Variants in ANXA8 observed in about 807,000 individuals in gnomAD.
The protein encoded by ANXA8 is VAC-beta.
A neutral mutation model predicts 26.8 loss-of-function variants in ANXA8; 9 were observed. The ratio of observed to expected loss-of-function variants is 0.34; its 90% CI spans 0.20 to 0.59. The LOEUF is 0.59. Ranked by LOEUF, ANXA8 falls within the 20% of genes least tolerant of loss-of-function variation. The pLI, the probability that ANXA8 is intolerant of heterozygous loss-of-function variation, is 0.84. For synonymous variants in ANXA8, 39 were observed against 94.8 expected (o/e 0.41, Z 3.42); for missense variants, 83 against 238.5 (o/e 0.35, Z 4.29).
Position 47,484,039 on chromosome 10 carries a change from G to T in ANXA8, c.-106C>A. 1 of 1,610,904 alleles carries T rather than the reference G, an allele frequency of 6.2e-7. No homozygotes were observed. Among genetic ancestry groups the T allele is most frequent in the South Asian group, 1.1e-5 (1 of 90,950 alleles). Reference sequence around the variant, plus strand: ...CCTGCAGCTGAGGAGTGAGCAGGCCGCTCACTTGGGTGTGGGGGTGCAAGC... The same window carrying T: ...CCTGCAGCTGAGGAGTGAGCAGGCCTCTCACTTGGGTGTGGGGGTGCAAGC... On this transcript the variant is annotated 5_prime_UTR_variant, in exon 1 of 12. Coordinates refer to ENST00000585281, the MANE Select transcript of ANXA8 (RefSeq NM_001040084.3).
chr10:47,556,255 C>T, the ANXA8 span, among the ~76,000 whole-genome samples: 1 of 151,862 alleles, frequency 6.6e-6, no homozygotes, highest in Non-Finnish European at 1.5e-5. Context: ...CTCGCCTCCC[C>T]CTCCCTAGGA....
chr10:47,735,410 T>A, the ANXA8 span, among the ~76,000 whole-genome samples: 45,215 of 133,344 alleles, frequency 0.34, 6,608 homozygotes, highest in East Asian at 0.51. Flanking sequence ...TTTTTTTTTT[T>A]AACTTTGGAA....
At chr10:47,706,714 A>T in the ANXA8 span, 1 of 1,483,556 alleles carries the variant, frequency 6.7e-7, no homozygotes, top group Non-Finnish European at 9.2e-7. Context: ...GAAAAAATGG[A>T]CGGGGGCAGC....
the ANXA8 span, among the ~76,000 whole-genome samples, chr10:47,647,299 G>A: frequency 1.2e-4 from 18 of 149,414 alleles, no homozygotes; most frequent in Non-Finnish European, 1.5e-4. Context: ...ACTTTTTTTT[G>A]TTTATTTATA....
At chr10:47,664,953 C>T in the ANXA8 span, among the ~76,000 whole-genome samples, 2 of 141,572 alleles carry the variant, frequency 1.4e-5, no homozygotes, top group East Asian at 2.0e-4. Context: ...TTTCAAACTC[C>T]TAGGCTCAAG....
chr10:47,905,728 A>AGAACCCAGGCTG, the ANXA8 span, among the ~76,000 whole-genome samples: 1 of 145,022 alleles, frequency 6.9e-6, no homozygotes, highest in Non-Finnish European at 1.5e-5. Context: ...AAGCTAGGAT[A>AGAACCCAGGCTG]GAACCCAGGC....
chr10:47,630,321 G>A, the ANXA8 span, among the ~76,000 whole-genome samples: 5 of 149,488 alleles, frequency 3.3e-5, no homozygotes. Flanking sequence ...TCATTCACAG[G>A]TTTGTTAAAG....
the ANXA8 span, among the ~76,000 whole-genome samples, chr10:47,661,186 G>A: frequency 8.5e-6 from 1 of 118,154 alleles, no homozygotes; most frequent in East Asian, 2.1e-4. Flanking sequence ...ACCAGAAATA[G>A]AAACTAAGAA....
At chr10:47,747,170 T>C in the ANXA8 span, among the ~76,000 whole-genome samples, 1 of 151,312 alleles carries the variant, frequency 6.6e-6, no homozygotes, top group Non-Finnish European at 1.5e-5. Context: ...GGCCGAGCAT[T>C]TGGGCAGACG....
At chr10:47,666,755 T>A in the ANXA8 span, among the ~76,000 whole-genome samples, 3 of 151,966 alleles carry the variant, frequency 2.0e-5, no homozygotes, top group Non-Finnish European at 4.4e-5. Context: ...ATGAGTCAAG[T>A]GGTCTTTCAG....
chr10:47,952,529 C>A, the ANXA8 span, among the ~76,000 whole-genome samples: 1 of 148,218 alleles, frequency 6.7e-6, no homozygotes, highest in African/African-American at 2.6e-5. Flanking sequence ...AAAATACTTA[C>A]AAGATGAGCA....
the ANXA8 span, among the ~76,000 whole-genome samples, chr10:47,700,383 G>T: frequency 1.8e-4 from 28 of 151,940 alleles, no homozygotes; most frequent in Non-Finnish European, 2.2e-4. Context: ...GACAAAGATA[G>T]TATCTGGAAT....
chr10:47,746,784 A>G, the ANXA8 span, among the ~76,000 whole-genome samples: 2 of 109,194 alleles, frequency 1.8e-5, no homozygotes, highest in Admixed American at 1.0e-4. Context: ...ACATGTTGTG[A>G]TTAGTTGTTA....
chr10:47,975,926 T>G, the ANXA8 span, among the ~76,000 whole-genome samples: 1 of 147,570 alleles, frequency 6.8e-6, no homozygotes, highest in East Asian at 1.9e-4. Context: ...GAAAAAAACT[T>G]AGACTCAATA....
At chr10:47,536,572 C>A in the ANXA8 span, among the ~76,000 whole-genome samples, 13 of 128,868 alleles carry the variant, frequency 1.0e-4, 1 homozygote, top group South Asian at 2.8e-3. Context: ...TATACACACA[C>A]ACACATAAAC....
chr10:47,717,718 C>G, the ANXA8 span, among the ~76,000 whole-genome samples: 1 of 147,258 alleles, frequency 6.8e-6, no homozygotes, highest in South Asian at 2.1e-4. Flanking sequence ...ATTTTTTAGG[C>G]TGGGCAGGGT....
At chr10:47,628,324 T>C in the ANXA8 span, among the ~76,000 whole-genome samples, 1 of 152,098 alleles carries the variant, frequency 6.6e-6, no homozygotes, top group Non-Finnish European at 1.5e-5. Flanking sequence ...CATACTAATA[T>C]GAATGGTACT....
chr10:47,726,874 T>C, the ANXA8 span: 1 of 1,572,766 alleles, frequency 6.4e-7, no homozygotes, highest in Non-Finnish European at 8.7e-7. Context: ...ATGGAAGACA[T>C]AATGTTTACA....
At chr10:47,502,466 A>T in the ANXA8 span, 1 of 1,612,752 alleles carries the variant, frequency 6.2e-7, no homozygotes, top group East Asian at 2.2e-5. Context: ...GACTTTATTG[A>T]GGGTTTTGTC....
Sources: allele counts gnomAD v4.1 joint callset (sites outside exome capture counted in the v4.1 genomes callset), GRCh38; gene constraint gnomAD v4.1.1; transcripts MANE v1.5; gene names NCBI Gene and HGNC (gene_info 2026-07-23, HGNC 2026-07-21).